The following NBAS variants were observed in gnomAD, a reference collection of about 807,000 sequenced individuals.
The protein encoded by NBAS is NBAS subunit of NRZ tethering complex.
Under a neutral mutation model 302.5 loss-of-function variants are expected in NBAS, and 219 were observed. The observed-to-expected ratio is 0.72, with a 90% CI of 0.65 to 0.81. The LOEUF is 0.81. Among genes scored for constraint, NBAS ranks in the 30% least tolerant of loss-of-function variants. NBAS has a pLI of 0.00. For missense variants in NBAS, 2,932 were observed against 2,841.6 expected (o/e 1.03, Z -0.72); for synonymous variants, 1,118 against 1,021.6 (o/e 1.09, Z -1.80).
chr2:15,546,156 C>A (rs1030821342), intron 6 of NBAS, among the ~76,000 whole-genome samples: 3 of 152,018 alleles, frequency 2.0e-5, no homozygotes, highest in Non-Finnish European at 4.4e-5. Context: ...AATCAGATCA[C>A]AAAACACTTA....
At chr2:15,245,424 C>T (rs1459901180) in intron 44 of NBAS, among the ~76,000 whole-genome samples, 1 of 152,124 alleles carries the variant, frequency 6.6e-6, no homozygotes, top group Non-Finnish European at 1.5e-5. Context: ...TCATCTTATC[C>T]GAGAGGCCTT....
intron 32 of NBAS, among the ~76,000 whole-genome samples, chr2:15,359,210 A>G (rs949399840): frequency 6.6e-6 from 1 of 152,072 alleles, no homozygotes; most frequent in Admixed American, 6.6e-5. Context: ...TTAATCACTA[A>G]GTGACTTCTG....
chr2:15,150,941 G>A, the NBAS span, among the ~76,000 whole-genome samples: 3 of 152,078 alleles, frequency 2.0e-5, no homozygotes, highest in African/African-American at 4.8e-5. Context: ...AACCTATAGT[G>A]AGGAACTTTT....
chr2:14,890,814 ACT>A, the NBAS span: 1 of 163,680 alleles, frequency 6.1e-6, no homozygotes, highest in Non-Finnish European at 1.3e-5. Flanking sequence ...CAAGAGCAAA[ACT>A]CTGTCTCAAA....
chr2:15,217,012 A>T (rs1197671717), intron 48 of NBAS, among the ~76,000 whole-genome samples: 1 of 152,234 alleles, frequency 6.6e-6, no homozygotes, highest in East Asian at 1.9e-4. Flanking sequence ...ATGTGACCTA[A>T]TTTAGGGTTT....
Position 15,245,664 on chromosome 2 carries a change from T to TGGAC in NBAS, c.5725-6979_5725-6978insGTCC, listed in dbSNP as rs1668067131. On this transcript the variant is annotated intron_variant, in intron 44 of 51. Transcript: ENST00000281513. The stretch of plus-strand genomic sequence containing the variant: ...ATGGATGGACGGACGGACGGACGGA[T>TGGAC]GGATGGATGGATGACACTGTTTAAA... Among the ~76,000 whole-genome samples, 3 of 132,434 alleles carry TGGAC rather than the reference T, an allele frequency of 2.3e-5. No homozygotes were observed. The South Asian group carries it at 6.6e-4, about 29-fold the overall frequency. The allele number at this position is 132,434 out of a possible 152,430, so 86.9% of individuals were successfully genotyped here. A position where few individuals can be genotyped will look rare whatever the true frequency, so the allele number is the denominator to read the frequency against.
chr2:14,847,262 A>C, the NBAS span, among the ~76,000 whole-genome samples: 1 of 151,628 alleles, frequency 6.6e-6, no homozygotes, highest in Admixed American at 6.6e-5. Flanking sequence ...AGGCACCTGT[A>C]GTCCCAGCTA....
chr2:15,128,194 AT>A, the NBAS span, among the ~76,000 whole-genome samples: 2 of 152,212 alleles, frequency 1.3e-5, no homozygotes, highest in Non-Finnish European at 2.9e-5. Context: ...TTCTCAACTT[AT>A]TTGGTCAAAA....
intron 49 of NBAS, among the ~76,000 whole-genome samples, chr2:15,187,818 GC>G (rs1665159397): frequency 6.6e-6 from 1 of 152,244 alleles, no homozygotes; most frequent in African/African-American, 2.4e-5. Flanking sequence ...TATTCCTTGG[GC>G]CCTGAAAAGA....
intron 12 of NBAS, among the ~76,000 whole-genome samples, chr2:15,481,875 C>A (rs1346866346): frequency 1.3e-5 from 2 of 152,160 alleles, no homozygotes; most frequent in African/African-American, 2.4e-5. Context: ...AACTCCTCCC[C>A]CAAAGGAAGC....
intron 9 of NBAS, 39 bp downstream of exon 9, chr2:15,534,504 T>A: frequency 7.1e-7 from 1 of 1,405,516 alleles, no homozygotes; most frequent in Non-Finnish European, 1.0e-6. Flanking sequence ...TGCCAACATT[T>A]CTATGTCCCA....
At chr2:15,144,674 C>T in the NBAS span, among the ~76,000 whole-genome samples, 1 of 152,142 alleles carries the variant, frequency 6.6e-6, no homozygotes, top group African/African-American at 2.4e-5. Context: ...CATATCTATC[C>T]TCTAAAAAAA....
chr2:14,790,055 A>G, the NBAS span, among the ~76,000 whole-genome samples: 1 of 152,212 alleles, frequency 6.6e-6, no homozygotes, highest in Non-Finnish European at 1.5e-5. Flanking sequence ...TGAATCCCCC[A>G]CAACACCACT....
At position 15,539,287 on chromosome 2, in the gene NBAS, G is replaced by A. The variant is rs1448255799; in HGVS notation, c.449C>T (p.Ala150Val). The A allele has an allele frequency of 6.2e-7, 1 of 1,614,174 alleles. No homozygotes were observed. The change falls in exon 7 of 52, where the codon GCC becomes GTC. Residue 150 changes from alanine (A) to valine (V), a missense_variant. Physicochemically the swap from Ala to Val is moderately conservative, Grantham distance 64. Coordinates refer to ENST00000281513, the MANE Select transcript of NBAS (RefSeq NM_015909.4). ...WSYDCTLLAY[A>V]ESTGTVRVFD... ...CACCCTCACAGTTCCTGTGCTTTCG[G>A]CATAGGCCAGTAGGGTACAATCGTA...
chr2:14,895,472 C>T, the NBAS span, among the ~76,000 whole-genome samples: 34 of 152,332 alleles, frequency 2.2e-4, no homozygotes, highest in African/African-American at 7.2e-4. Context: ...GGCACTGTGG[C>T]TCACGCCTGT....
Position 15,467,401 on chromosome 2 carries a change from T to C in NBAS, c.2025A>G (p.Thr675=), listed in dbSNP as rs2148572138. 1 of 1,612,622 alleles carries C rather than the reference T, an allele frequency of 6.2e-7. No homozygotes were observed. Among genetic ancestry groups the C allele is most frequent in the South Asian group, 1.1e-5 (1 of 91,066 alleles). Reference sequence around the variant, plus strand: ...AACGGCAAAGTTCCTTTTGTTCCAGTGTCAACCTGTTTTGAATAACTATGT... The same window carrying C: ...AACGGCAAAGTTCCTTTTGTTCCAGCGTCAACCTGTTTTGAATAACTATGT... ...LLKLVNFSKL[T]LEQKELCRCR... is the part of the protein sequence containing the mutation. Residue 675 remains threonine (T), a synonymous_variant, in exon 19 of 52, where the codon ACA becomes ACG. Coordinates refer to ENST00000281513, the MANE Select transcript of NBAS (RefSeq NM_015909.4).
the NBAS span, among the ~76,000 whole-genome samples, chr2:14,897,766 T>C: frequency 6.6e-6 from 1 of 152,166 alleles, no homozygotes; most frequent in Non-Finnish European, 1.5e-5. Flanking sequence ...AGAAGGGATC[T>C]TTCCATTCTC....
chr2:15,545,022 A>T (rs892770573), intron 6 of NBAS, among the ~76,000 whole-genome samples: 6 of 151,924 alleles, frequency 3.9e-5, no homozygotes, highest in Middle Eastern at 6.8e-3. Context: ...CAAAAAAAAA[A>T]ATATATCCAA....
At chr2:15,330,965 C>CA (rs939559204) in intron 35 of NBAS, among the ~76,000 whole-genome samples, 200 bp from the exon 36 acceptor site, 2 of 151,732 alleles carry the variant, frequency 1.3e-5, no homozygotes, top group Non-Finnish European at 2.9e-5. Context: ...AATCATTTGC[C>CA]AAAAAATAAA....
Sources: allele counts gnomAD v4.1 joint callset (sites outside exome capture counted in the v4.1 genomes callset), GRCh38; gene constraint gnomAD v4.1.1; transcripts MANE v1.5; gene names NCBI Gene and HGNC (gene_info 2026-07-23, HGNC 2026-07-21).